CABCOCO1: variants seen among roughly 807,000 people sequenced by gnomAD.
CABCOCO1 encodes ciliary-associated calcium-binding coiled-coil protein 1.
Under a neutral mutation model 35.7 loss-of-function variants are expected in CABCOCO1, and 28 were observed. The ratio of observed to expected loss-of-function variants is 0.78; its 90% confidence interval spans 0.58 to 1.07. The LOEUF (loss-of-function observed/expected upper bound fraction) is 1.07, where lower values mean the gene tolerates loss of function less well. CABCOCO1 is among the 50% of genes least tolerant of loss of function. The pLI, the probability that CABCOCO1 is intolerant of heterozygous loss-of-function variation, is 0.00. For synonymous variants in CABCOCO1, 95 were observed against 100.1 expected (o/e 0.95, Z 0.30); for missense variants, 326 against 309.2 (o/e 1.05, Z -0.41).
At chr10:61,688,921 C>T (rs1229829120) in intron 4 of CABCOCO1, among the ~76,000 whole-genome samples, 6 of 152,200 alleles carry the variant, frequency 3.9e-5, no homozygotes, top group Non-Finnish European at 8.8e-5. Context: ...CTGGACAAGG[C>T]CCTAGTCCTG....
chr10:61,678,067 A>G (rs1162655187), intron 2 of CABCOCO1, among the ~76,000 whole-genome samples: 1 of 151,758 alleles, frequency 6.6e-6, no homozygotes, highest in Non-Finnish European at 1.5e-5. Flanking sequence ...TTTTATTTTA[A>G]TGTATTATGT....
At chr10:61,724,826 G>T (rs1034049034) in intron 5 of CABCOCO1, among the ~76,000 whole-genome samples, 3 of 152,138 alleles carry the variant, frequency 2.0e-5, no homozygotes, top group East Asian at 1.9e-4. Flanking sequence ...ACAACAGTAG[G>T]GGGGAGGGAT....
intron 5 of CABCOCO1, among the ~76,000 whole-genome samples, chr10:61,716,819 T>C (rs867245650): frequency 1.7e-4 from 26 of 152,284 alleles, no homozygotes; most frequent in Middle Eastern, 6.8e-3. Flanking sequence ...AAACATTTAA[T>C]AAGTGAAGAT....
intron 7 of CABCOCO1, among the ~76,000 whole-genome samples, chr10:61,764,259 C>T (rs891302743): frequency 2.0e-5 from 3 of 152,034 alleles, no homozygotes; most frequent in Admixed American, 6.6e-5. Context: ...TCTTCCCAAT[C>T]CTTTGAAATT....
intron 5 of CABCOCO1, among the ~76,000 whole-genome samples, chr10:61,743,259 A>G (rs1323860498): frequency 2.6e-5 from 4 of 152,170 alleles, no homozygotes; most frequent in South Asian, 2.1e-4. Flanking sequence ...TATGGAAAAT[A>G]AATCCCTTGA....
At chr10:61,707,519 C>A (rs1050646927) in intron 5 of CABCOCO1, among the ~76,000 whole-genome samples, 2 of 152,174 alleles carry the variant, frequency 1.3e-5, no homozygotes, top group African/African-American at 4.8e-5. Context: ...ATTCAGGAAT[C>A]CCTTATTGGG....
At chr10:61,740,205 T>C (rs555761337) in intron 5 of CABCOCO1, among the ~76,000 whole-genome samples, 3 of 152,318 alleles carry the variant, frequency 2.0e-5, no homozygotes, top group Non-Finnish European at 4.4e-5. Flanking sequence ...GGACTGGATA[T>C]GTACATTAGA....
chr10:61,691,462 G>A (rs1367745840), intron 5 of CABCOCO1, among the ~76,000 whole-genome samples: 1 of 152,024 alleles, frequency 6.6e-6, no homozygotes, highest in Admixed American at 6.6e-5. Flanking sequence ...TGAATTCTGA[G>A]TAGGAAAACA....
chr10:61,671,318 C>T (rs574731734), intron 1 of CABCOCO1, among the ~76,000 whole-genome samples: 1 of 151,238 alleles, frequency 6.6e-6, no homozygotes, highest in East Asian at 1.9e-4. Context: ...GAGTGAGGCT[C>T]CGTCTCAAAA....
intron 5 of CABCOCO1, among the ~76,000 whole-genome samples, chr10:61,731,179 G>A (rs1013031749): frequency 2.0e-5 from 3 of 151,448 alleles, no homozygotes; most frequent in African/African-American, 7.3e-5. Flanking sequence ...GACAAGGGAT[G>A]CAGCATTAGT....
intron 2 of CABCOCO1, among the ~76,000 whole-genome samples, chr10:61,679,309 A>ATCTATATCTATG (rs2131968872): frequency 7.9e-6 from 1 of 127,372 alleles, no homozygotes; most frequent in South Asian, 2.4e-4. Context: ...CTATATCTAT[A>ATCTATATCTATG]TCTATATCTA....
At chr10:61,664,225 A>G (rs1839097063) in intron 1 of CABCOCO1, among the ~76,000 whole-genome samples, 1 of 152,300 alleles carries the variant, frequency 6.6e-6, no homozygotes, top group Middle Eastern at 3.4e-3. Context: ...TCTCTAATGT[A>G]AGTAATACAA....
At chr10:61,728,722 A>G (rs1390245710) in intron 5 of CABCOCO1, among the ~76,000 whole-genome samples, 1 of 152,162 alleles carries the variant, frequency 6.6e-6, no homozygotes, top group Non-Finnish European at 1.5e-5. Flanking sequence ...AACCAGAAGG[A>G]GACTAGCGAG....
intron 5 of CABCOCO1, among the ~76,000 whole-genome samples, chr10:61,725,098 G>C (rs1240732971): frequency 6.6e-6 from 1 of 152,128 alleles, no homozygotes; most frequent in Non-Finnish European, 1.5e-5. Context: ...TCATTAAAAA[G>C]TCAGGAAACA....
chr10:61,765,844 T>C (rs1842096991), intron 7 of CABCOCO1, 95 bp from the exon 8 acceptor site: 3 of 1,122,740 alleles, frequency 2.7e-6, no homozygotes, highest in South Asian at 2.7e-5. Context: ...GGATAATATC[T>C]GTCTTTAGGC....
chr10:61,680,525 A>C, intron 2 of CABCOCO1, among the ~76,000 whole-genome samples: 1 of 135,848 alleles, frequency 7.4e-6, no homozygotes, highest in African/African-American at 2.8e-5. Context: ...ATAACATATT[A>C]TATGTTATAT....
At position 61,721,347 on chromosome 10, in the gene CABCOCO1, GC is replaced by G. The variant is rs555233463; in HGVS notation, c.552+30729del. 3.5e-3 allele frequency among the ~76,000 whole-genome samples: 534 copies of G among 152,240 alleles called. 5 individuals carry two copies. Among genetic ancestry groups the G allele is most frequent in the African/African-American group, 0.012 (511 of 41,540 alleles). ...AAACAGATGGGAAGAAGCTTCTGAA[GC>G]CCGTTTGTGCTTCTCCATCACGTAA... On this transcript the variant is annotated intron_variant, in intron 5 of 7. Coordinates refer to ENST00000648843, the MANE Select transcript of CABCOCO1 (RefSeq NM_001366906.2).
At chr10:61,708,484 A>C (rs948350554) in intron 5 of CABCOCO1, among the ~76,000 whole-genome samples, 5 of 152,114 alleles carry the variant, frequency 3.3e-5, no homozygotes, top group Non-Finnish European at 7.4e-5. Flanking sequence ...TATTTCTTAC[A>C]GTTCTAGAGA....
chr10:61,713,696 G>C (rs1840788326), intron 5 of CABCOCO1, among the ~76,000 whole-genome samples: 1 of 152,098 alleles, frequency 6.6e-6, no homozygotes, highest in Non-Finnish European at 1.5e-5. Flanking sequence ...TCAATACCTA[G>C]TTTATTGAGA....
Sources: allele counts gnomAD v4.1 joint callset (sites outside exome capture counted in the v4.1 genomes callset), GRCh38; gene constraint gnomAD v4.1.1; transcripts MANE v1.5; gene names NCBI Gene and HGNC (gene_info 2026-07-23, HGNC 2026-07-21).